The following ARAP2 variants were observed in gnomAD, a reference collection of about 807,000 sequenced individuals.
ARAP2 encodes ArfGAP with RhoGAP domain, ankyrin repeat and PH domain 2.
A neutral mutation model predicts 194.5 loss-of-function variants in ARAP2; 148 were observed. The observed-to-expected ratio is 0.76, with a 90% confidence interval of 0.67 to 0.87. The LOEUF (loss-of-function observed/expected upper bound fraction) is 0.87. ARAP2 is among the 40% of genes least tolerant of loss of function. ARAP2 has a pLI of 0.00. For synonymous variants in ARAP2, 695 were observed against 683.5 expected (o/e 1.02, Z -0.26); for missense variants, 2,128 against 1,989.7 (o/e 1.07, Z -1.32).
At chr4:36,225,751 G>A (rs1049461664) in intron 2 of ARAP2, among the ~76,000 whole-genome samples, 2 of 152,190 alleles carry the variant, frequency 1.3e-5, no homozygotes, top group East Asian at 1.9e-4. Flanking sequence ...AGACTGCAAA[G>A]TCAATATCCA....
intron 5 of ARAP2, among the ~76,000 whole-genome samples, chr4:36,028,610 T>C (rs1533088): frequency 0.56 from 83,481 of 148,434 alleles, 26,211 homozygotes; most frequent in Admixed American, 0.73. Context: ...TGTCTTCTGT[T>C]TTTTTTCCTG....
intron 2 of ARAP2, among the ~76,000 whole-genome samples, chr4:36,222,103 C>T (rs1413000059): frequency 6.6e-6 from 1 of 152,102 alleles, no homozygotes; most frequent in Non-Finnish European, 1.5e-5. Flanking sequence ...GAACCATAGT[C>T]ATCATCCTCT....
intron 5 of ARAP2, among the ~76,000 whole-genome samples, chr4:36,021,175 G>A (rs981289500): frequency 6.6e-6 from 1 of 152,168 alleles, no homozygotes; most frequent in African/African-American, 2.4e-5. Context: ...TCATCATCCA[G>A]GTGCATATGA....
At chr4:36,112,484 T>C (rs945350653) in intron 26 of ARAP2, among the ~76,000 whole-genome samples, 9 of 152,076 alleles carry the variant, frequency 5.9e-5, no homozygotes, top group African/African-American at 1.9e-4. Flanking sequence ...TGTGGAAAGA[T>C]ATTTCTGGCA....
At chr4:36,070,977 C>T (rs368649255) in intron 32 of ARAP2, among the ~76,000 whole-genome samples, 4 of 152,136 alleles carry the variant, frequency 2.6e-5, no homozygotes, top group East Asian at 3.8e-4. Flanking sequence ...GTGCTGCTTT[C>T]TACCACATCA....
intron 31 of ARAP2, among the ~76,000 whole-genome samples, chr4:36,078,378 G>A (rs1435372802): frequency 6.6e-6 from 1 of 152,154 alleles, no homozygotes; most frequent in Non-Finnish European, 1.5e-5. Context: ...TTCTGAGGCA[G>A]GGGTGTGGAA....
intron 3 of ARAP2, chr4:36,047,055 G>A (rs1236122543): frequency 2.0e-5 from 3 of 152,214 alleles, no homozygotes; most frequent in Non-Finnish European, 4.4e-5. Context: ...AGAGGCACAT[G>A]CTGGGATATT....
chr4:36,203,245 A>AT (rs751761854), intron 6 of ARAP2, among the ~76,000 whole-genome samples: 1 of 152,132 alleles, frequency 6.6e-6, no homozygotes, highest in Non-Finnish European at 1.5e-5. Context: ...AGTCTACATC[A>AT]TAACTATCAA....
intron 5 of ARAP2, among the ~76,000 whole-genome samples, chr4:36,020,067 T>C (rs575176067): frequency 6.6e-6 from 1 of 152,308 alleles, no homozygotes; most frequent in South Asian, 2.1e-4. Flanking sequence ...TTGAAGGCCA[T>C]TGCTAGGTAA....
At chr4:36,189,555 T>C (rs948350995) in intron 7 of ARAP2, among the ~76,000 whole-genome samples, 1 of 152,142 alleles carries the variant, frequency 6.6e-6, no homozygotes, top group Non-Finnish European at 1.5e-5. Context: ...TCTCCCTATG[T>C]CCTCCTTCTC....
chr4:36,217,769 CTAAT>C (rs1278760922), intron 2 of ARAP2, among the ~76,000 whole-genome samples: 1 of 150,072 alleles, frequency 6.7e-6, no homozygotes, highest in African/African-American at 2.5e-5. Flanking sequence ...AGAAAAAAAT[CTAAT>C]TAAATTAGAA....
chr4:36,147,791 G>A, intron 17 of ARAP2, 45 bp from the exon 18 acceptor site: 1 of 1,467,578 alleles, frequency 6.8e-7, no homozygotes, highest in Non-Finnish European at 9.2e-7. Flanking sequence ...GTGAAAATAG[G>A]AAATCCCTTC....
intron 32 of ARAP2, among the ~76,000 whole-genome samples, chr4:36,072,676 A>AAG (rs1553887462): frequency 6.6e-6 from 1 of 150,656 alleles, no homozygotes; most frequent in African/African-American, 2.4e-5. Context: ...ACAAAAAAAA[A>AAG]ACCCCAAAAA....
chr4:36,073,150 C>T (rs1727429398), intron 32 of ARAP2, among the ~76,000 whole-genome samples: 1 of 152,084 alleles, frequency 6.6e-6, no homozygotes, highest in Non-Finnish European at 1.5e-5. Context: ...ATTGATGCCG[C>T]TTATGATCTC....
In ARAP2 at chr4:36,126,151, G is replaced by C. The variant is rs190690793; in HGVS notation, c.3641-1184C>G. ...AGTAGATGACTCTCTATAAGAAAGA[G>C]GGGGAAACACCCAAATTACATTCAA... On this transcript the variant is annotated intron_variant, in intron 21 of 32. Coordinates refer to ENST00000303965, the MANE Select transcript of ARAP2 (RefSeq NM_015230.4). Among the ~76,000 whole-genome samples the C allele has an allele frequency of 6.6e-4, 100 of 152,058 alleles. 3 individuals carry two copies. In the Middle Eastern group the frequency reaches 0.017, roughly 26 times the overall value.
At chr4:36,081,675 G>C (rs1001354732) in intron 30 of ARAP2, among the ~76,000 whole-genome samples, 2 of 151,744 alleles carry the variant, frequency 1.3e-5, no homozygotes, top group African/African-American at 2.4e-5. Context: ...GGCCTGAAGA[G>C]CACTTAGGAC....
chr4:36,115,766 A>G (rs1162044906), intron 25 of ARAP2, among the ~76,000 whole-genome samples: 1 of 152,012 alleles, frequency 6.6e-6, no homozygotes, highest in African/African-American at 2.4e-5. Context: ...AAATGTAACT[A>G]AAGGGTTTTG....
chr4:36,227,423 A>C (rs1186087847), intron 2 of ARAP2, among the ~76,000 whole-genome samples: 1 of 152,202 alleles, frequency 6.6e-6, no homozygotes, highest in East Asian at 1.9e-4. Context: ...CAAATTAATT[A>C]GAGTCTCTGC....
intron 32 of ARAP2, among the ~76,000 whole-genome samples, chr4:36,072,358 T>TA (rs1194737194): frequency 6.6e-6 from 1 of 152,128 alleles, no homozygotes; most frequent in African/African-American, 2.4e-5. Context: ...TTAAATATGT[T>TA]AAAAATTGTC....
Sources: allele counts gnomAD v4.1 joint callset (sites outside exome capture counted in the v4.1 genomes callset), GRCh38; gene constraint gnomAD v4.1.1; transcripts MANE v1.5; gene names NCBI Gene and HGNC (gene_info 2026-07-23, HGNC 2026-07-21).